KCNQ5: variants seen among roughly 807,000 people sequenced by gnomAD.
KCNQ5 encodes potassium voltage-gated channel subfamily KQT member 5.
Under a neutral mutation model 98.2 loss-of-function variants are expected in KCNQ5, and 30 were observed. The observed-to-expected ratio is 0.31, with a 90% CI of 0.23 to 0.41. The LOEUF is 0.41. Among genes scored for constraint, KCNQ5 ranks in the 10% least tolerant of loss-of-function variants. The pLI is 1.00. For missense variants in KCNQ5, 835 were observed against 1,182.5 expected, an observed-to-expected ratio of 0.71 and a Z score of 4.31; for synonymous variants, 458 against 449.4, an observed-to-expected ratio of 1.02 and a Z score of -0.24.
chr6:72,863,412 C>A (rs985461062), intron 1 of KCNQ5, among the ~76,000 whole-genome samples: 1 of 152,140 alleles, frequency 6.6e-6, no homozygotes, highest in African/African-American at 2.4e-5. Context: ...ATCCAAATGT[C>A]TTTTCTTAAT....
chr6:73,172,767 T>C (rs1778057696), intron 11 of KCNQ5, among the ~76,000 whole-genome samples: 1 of 151,570 alleles, frequency 6.6e-6, no homozygotes, highest in Non-Finnish European at 1.5e-5. Flanking sequence ...TATTTTTTAA[T>C]TGTTAGAATA....
Position 72,867,345 on chromosome 6 carries a change from C to T in KCNQ5, c.399-136563C>T, listed in dbSNP as rs9442859. On this transcript the variant is annotated intron_variant, in intron 1 of 13. Coordinates refer to ENST00000370398, the MANE Select transcript of KCNQ5 (RefSeq NM_019842.4). ...ACTTGATACCTGAAGCTCAGAGTCT[C>T]TCTTGCCAGCCTGTTAACAACTTTC... 4.9e-3 allele frequency among the ~76,000 whole-genome samples: 743 copies of T among 152,308 alleles called. 7 individuals carry two copies. Among genetic ancestry groups the T allele is most frequent in the African/African-American group, 0.017 (711 of 41,564 alleles).
At chr6:72,853,614 C>T (rs550147634) in intron 1 of KCNQ5, among the ~76,000 whole-genome samples, 2 of 152,150 alleles carry the variant, frequency 1.3e-5, no homozygotes, top group Non-Finnish European at 2.9e-5. Flanking sequence ...TGTAGGCCAG[C>T]AAATAATTTT....
At chr6:72,880,696 A>C (rs963005988) in intron 1 of KCNQ5, among the ~76,000 whole-genome samples, 2 of 152,092 alleles carry the variant, frequency 1.3e-5, no homozygotes, top group African/African-American at 4.8e-5. Context: ...CTACTTTGCT[A>C]TTGTGGCTGC....
Position 72,631,183 on chromosome 6 carries a change from G to A in KCNQ5, c.398+8596G>A, listed in dbSNP as rs146243585. Among the ~76,000 whole-genome samples, 8 of 152,312 alleles carry A rather than the reference G, an allele frequency of 5.3e-5. No homozygotes were observed. In the East Asian group the frequency reaches 7.7e-4, roughly 15 times the overall value. ...AATAGAGGTGGAACAACAGGTTGGCGAATTGCAGGGGTGATAAAATGAGTT... is the reference window on the plus strand; with the variant it reads ...AATAGAGGTGGAACAACAGGTTGGCAAATTGCAGGGGTGATAAAATGAGTT... On this transcript the variant is annotated intron_variant, in intron 1 of 13. Coordinates refer to ENST00000370398, the MANE Select transcript of KCNQ5 (RefSeq NM_019842.4).
intron 1 of KCNQ5, among the ~76,000 whole-genome samples, chr6:72,853,313 G>A (rs908782695): frequency 6.6e-6 from 1 of 152,012 alleles, no homozygotes; most frequent in Non-Finnish European, 1.5e-5. Context: ...ACTTCAGGTG[G>A]GATCCTAGAC....
intron 1 of KCNQ5, chr6:72,987,585 G>A (rs16886069): frequency 0.1 from 62,491 of 622,162 alleles, 4,713 homozygotes; most frequent in East Asian, 0.25. Flanking sequence ...GCAAGAAGGC[G>A]GCCGACAGCC....
intron 11 of KCNQ5, among the ~76,000 whole-genome samples, chr6:73,173,953 C>T (rs1426030864): frequency 3.3e-5 from 5 of 152,046 alleles, no homozygotes; most frequent in Admixed American, 1.3e-4. Context: ...ACCAATGCAA[C>T]GTATAAGTAC....
At chr6:73,032,839 A>G (rs528568203) in intron 2 of KCNQ5, among the ~76,000 whole-genome samples, 1 of 152,216 alleles carries the variant, frequency 6.6e-6, no homozygotes, top group South Asian at 2.1e-4. Context: ...GGACAACAAA[A>G]AAAACCTCAG....
chr6:73,153,570 G>C (rs936814892), intron 10 of KCNQ5, among the ~76,000 whole-genome samples: 6 of 152,040 alleles, frequency 3.9e-5, no homozygotes, highest in African/African-American at 1.4e-4. Flanking sequence ...TCAGTCAAAG[G>C]CTAGTCATAT....
At chr6:72,799,847 A>G (rs1270504631) in intron 1 of KCNQ5, among the ~76,000 whole-genome samples, 1 of 152,180 alleles carries the variant, frequency 6.6e-6, no homozygotes, top group Non-Finnish European at 1.5e-5. Flanking sequence ...CAGCAACCTC[A>G]TAAAACTCTT....
chr6:72,794,361 T>A (rs1305175647), intron 1 of KCNQ5, among the ~76,000 whole-genome samples: 1 of 149,464 alleles, frequency 6.7e-6, no homozygotes, highest in Non-Finnish European at 1.5e-5. Context: ...AAAAAAAAAA[T>A]CCTAAAACTG....
intron 1 of KCNQ5, among the ~76,000 whole-genome samples, chr6:72,839,363 A>G (rs1022252483): frequency 1.3e-5 from 2 of 152,180 alleles, no homozygotes; most frequent in African/African-American, 4.8e-5. Flanking sequence ...GCTTTAAAAT[A>G]TTTGCCTTAT....
chr6:72,864,681 C>T (rs1935518), intron 1 of KCNQ5, among the ~76,000 whole-genome samples: 150,870 of 152,256 alleles, frequency 0.99, 74,763 homozygotes, highest in East Asian at 1. Flanking sequence ...TTCATACACA[C>T]ACACACAGGG....
chr6:72,629,621 G>A (rs1005592187), intron 1 of KCNQ5, among the ~76,000 whole-genome samples: 8 of 152,288 alleles, frequency 5.3e-5, no homozygotes, highest in Non-Finnish European at 8.8e-5. Context: ...AAGAAGTAGC[G>A]CCAGTTTTAA....
intron 1 of KCNQ5, among the ~76,000 whole-genome samples, chr6:72,830,613 C>T (rs1167274404): frequency 6.6e-6 from 1 of 152,144 alleles, no homozygotes; most frequent in Non-Finnish European, 1.5e-5. Flanking sequence ...AAATGTTAGA[C>T]CTAAAAACCA....
intron 3 of KCNQ5, among the ~76,000 whole-genome samples, chr6:73,049,438 G>A (rs983490224): frequency 2.0e-5 from 3 of 152,224 alleles, no homozygotes; most frequent in Non-Finnish European, 2.9e-5. Flanking sequence ...TGGAAAAGTC[G>A]AGGCACTGTG....
intron 1 of KCNQ5, among the ~76,000 whole-genome samples, chr6:72,703,719 A>T (rs2154474749): frequency 6.6e-6 from 1 of 152,298 alleles, no homozygotes; most frequent in East Asian, 1.9e-4. Flanking sequence ...TTTTAAAAAA[A>T]CATTTTCCAT....
chr6:73,172,874 T>A (rs952093643), intron 11 of KCNQ5, among the ~76,000 whole-genome samples: 7 of 152,250 alleles, frequency 4.6e-5, no homozygotes, highest in African/African-American at 1.7e-4. Context: ...ACAAAAAATA[T>A]GTATTCTACT....
Sources: allele counts gnomAD v4.1 joint callset (sites outside exome capture counted in the v4.1 genomes callset), GRCh38; gene constraint gnomAD v4.1.1; transcripts MANE v1.5; gene names NCBI Gene and HGNC (gene_info 2026-07-23, HGNC 2026-07-21).